KCNH8: variants seen among roughly 807,000 people sequenced by gnomAD.
KCNH8 encodes potassium voltage-gated channel subfamily H member 8, also known as voltage-gated delayed rectifier potassium channel KCNH8.
Under a neutral mutation model 103.6 loss-of-function variants are expected in KCNH8, and 70 were observed. The ratio of observed to expected loss-of-function variants is 0.68; its 90% CI spans 0.56 to 0.82. KCNH8 has a LOEUF of 0.82. KCNH8 is among the 40% of genes least tolerant of loss of function. KCNH8 has a pLI of 0.00. For synonymous variants in KCNH8, 498 were observed against 489.4 expected (o/e 1.02, Z -0.23); for missense variants, 1,217 against 1,329.9 (o/e 0.92, Z 1.32).
At chr3:19,482,696 G>T (rs545259905) in intron 11 of KCNH8, among the ~76,000 whole-genome samples, 18 of 152,188 alleles carry the variant, frequency 1.2e-4, no homozygotes, top group Non-Finnish European at 2.4e-4. Context: ...ACAGGCACAT[G>T]TGTCAGTTTT....
chr3:19,394,778 A>G (rs10470605), intron 6 of KCNH8, among the ~76,000 whole-genome samples: 50,241 of 151,774 alleles, frequency 0.33, 8,993 homozygotes, highest in East Asian at 0.45. Flanking sequence ...GATATGTACA[A>G]TTCTGATACC....
intron 11 of KCNH8, among the ~76,000 whole-genome samples, chr3:19,500,691 A>T (rs1189062458): frequency 1.3e-5 from 2 of 152,200 alleles, no homozygotes; most frequent in East Asian, 3.9e-4. Flanking sequence ...CTGGGTACAT[A>T]ACGAAATGAA....
rs150249613 is a variant in KCNH8, at chr3:19,524,295, C to G, written c.2619+6221C>G. Among the ~76,000 whole-genome samples, 175 of 151,934 alleles carry G rather than the reference C, an allele frequency of 1.2e-3. 2 individuals carry two copies. The highest frequency in any genetic ancestry group is 3.9e-3 in the African/African-American group (163 of 41,488). On this transcript the variant is annotated intron_variant, in intron 15 of 15. Transcript: ENST00000328405. ...AGTTCTTGATCATCAATTTTCAAAG[C>G]AAAACATAAACAAAGACTGTACATT...
chr3:19,490,101 C>T (rs2068286963), intron 11 of KCNH8, among the ~76,000 whole-genome samples: 1 of 152,230 alleles, frequency 6.6e-6, no homozygotes, highest in South Asian at 2.1e-4. Context: ...AGAGTGCTCT[C>T]AGGATCTGCA....
rs2069221211 is a variant in KCNH8, at chr3:19,533,999, A to G, written c.3224A>G (p.Glu1075Gly). The G allele has an allele frequency of 6.2e-7, 1 of 1,614,048 alleles. No homozygotes were observed. Among genetic ancestry groups the G allele is most frequent in the Non-Finnish European group, 8.5e-7 (1 of 1,180,028 alleles). ...LENLPGSWNQ[E>G]GMASASTKPL... ...AACTTACCAGGATCTTGGAACCAGG[A>G]AGGAATGGCATCAGCTTCTACAAAA... The change falls in exon 16 of 16, where the codon GAA (glutamate) becomes GGA (glycine). Residue 1075 changes from glutamate to glycine, a missense_variant. Coordinates refer to ENST00000328405, the MANE Select transcript of KCNH8 (RefSeq NM_144633.3).
Position 19,390,553 on chromosome 3 carries a change from G to A in KCNH8, c.884G>A (p.Cys295Tyr). 1 of 1,613,096 alleles carries A rather than the reference G, an allele frequency of 6.2e-7. No individual in the cohort carries two copies. The highest frequency in any genetic ancestry group is 8.5e-7 in the Non-Finnish European group (1 of 1,179,446). ...GTTATCTTTGAAGCAAGATCAATTT[G>A]CATCCACTATGTCACAACCTGGTTC... ...GQVIFEARSICIHYVTTWFII... is the reference protein window; with the variant it reads ...GQVIFEARSIYIHYVTTWFII... The change falls in exon 6 of 16, where the codon TGC becomes TAC. Residue 295 changes from cysteine (C) to tyrosine (Y), a missense_variant. This residue lies in a region of KCNH8 where 415 missense variants were observed against 577.4 expected (regional missense o/e 0.72). Coordinates refer to ENST00000328405, the MANE Select transcript of KCNH8 (RefSeq NM_144633.3).
chr3:19,240,015 ATTTC>A (rs1460069468), intron 1 of KCNH8, among the ~76,000 whole-genome samples: 1 of 152,258 alleles, frequency 6.6e-6, no homozygotes, highest in African/African-American at 2.4e-5. Context: ...GATTATATTG[ATTTC>A]TTTAAAAATC....
rs546268050 is a variant in KCNH8, at chr3:19,501,577, C to A, written c.2041-8786C>A. On this transcript the variant is annotated intron_variant, in intron 11 of 15. Transcript: ENST00000328405. ...GCAGCACATCAAAAACGTTATCCAC[C>A]ATGATCAAGTGGGCTTCATCCCTGG... Among the ~76,000 whole-genome samples, 5 of 152,300 alleles carry A rather than the reference C, an allele frequency of 3.3e-5. No homozygotes were observed. The East Asian group carries it at 9.7e-4, about 29-fold the overall frequency.
intron 11 of KCNH8, among the ~76,000 whole-genome samples, chr3:19,462,359 T>C (rs1454982573): frequency 1.3e-5 from 2 of 152,352 alleles, no homozygotes; most frequent in East Asian, 1.9e-4. Flanking sequence ...TGGTATCTCA[T>C]TGTGGTTTTG....
chr3:19,165,244 A>G (rs1441840245), intron 1 of KCNH8, among the ~76,000 whole-genome samples: 5 of 152,208 alleles, frequency 3.3e-5, no homozygotes, highest in Admixed American at 3.3e-4. Flanking sequence ...GTGCAAAAGT[A>G]ATGGCAAAAA....
At chr3:19,235,454 A>G (rs1162526163) in intron 1 of KCNH8, among the ~76,000 whole-genome samples, 1 of 152,200 alleles carries the variant, frequency 6.6e-6, no homozygotes, top group Non-Finnish European at 1.5e-5. Context: ...CTTCTGGGGA[A>G]AGATGAGAGG....
At chr3:19,443,924 A>G (rs774050509) in intron 8 of KCNH8, among the ~76,000 whole-genome samples, 4 of 152,118 alleles carry the variant, frequency 2.6e-5, no homozygotes, top group Admixed American at 6.6e-5. Flanking sequence ...GTTGCTAACA[A>G]TGGACTCACG....
At chr3:19,457,663 G>A (rs183908937) in intron 11 of KCNH8, among the ~76,000 whole-genome samples, 1 of 152,036 alleles carries the variant, frequency 6.6e-6, no homozygotes, top group Non-Finnish European at 1.5e-5. Flanking sequence ...GGCAAGCCAA[G>A]GCATGCATAG....
chr3:19,233,512 C>G (rs1575455570), intron 1 of KCNH8, among the ~76,000 whole-genome samples: 1 of 152,068 alleles, frequency 6.6e-6, no homozygotes, highest in East Asian at 1.9e-4. Context: ...TAGAGTTTAT[C>G]CTACAGTTGA....
At chr3:19,260,992 A>ATC (rs1468652059) in intron 2 of KCNH8, among the ~76,000 whole-genome samples, 2 of 143,126 alleles carry the variant, frequency 1.4e-5, no homozygotes, top group Non-Finnish European at 3.0e-5. Context: ...ATATATATAT[A>ATC]TCAGTTTATT....
At chr3:19,296,177 A>G (rs1156873437) in intron 3 of KCNH8, among the ~76,000 whole-genome samples, 3 of 152,242 alleles carry the variant, frequency 2.0e-5, no homozygotes, top group Admixed American at 6.5e-5. Flanking sequence ...ATGTTCACAT[A>G]GTTGCTTCAG....
intron 7 of KCNH8, among the ~76,000 whole-genome samples, chr3:19,412,622 T>C (rs1269000208): frequency 6.6e-6 from 1 of 151,890 alleles, no homozygotes; most frequent in Admixed American, 6.6e-5. Flanking sequence ...GGAGAAAATA[T>C]TGGCAAACTA....
At chr3:19,395,663 T>C (rs1455819360) in intron 7 of KCNH8, among the ~76,000 whole-genome samples, 2 of 152,058 alleles carry the variant, frequency 1.3e-5, no homozygotes, top group African/African-American at 4.8e-5. Flanking sequence ...GCCTATGGTC[T>C]ATCACTACGA....
intron 15 of KCNH8, among the ~76,000 whole-genome samples, chr3:19,532,476 A>G (rs1326258231): frequency 6.6e-6 from 1 of 152,042 alleles, no homozygotes; most frequent in Non-Finnish European, 1.5e-5. Context: ...TAGCATCCTC[A>G]CCGTTACTGA....
Sources: allele counts gnomAD v4.1 joint callset (sites outside exome capture counted in the v4.1 genomes callset), GRCh38; gene constraint gnomAD v4.1.1; regional missense constraint gnomAD v4.1.1; transcripts MANE v1.5; gene names NCBI Gene and HGNC (gene_info 2026-07-23, HGNC 2026-07-21).